INKA2: variants seen among roughly 807,000 people sequenced by gnomAD.
INKA2 encodes inka box actin regulator 2.
A neutral mutation model predicts 9.8 loss-of-function variants in INKA2; 3 were observed. The observed-to-expected ratio is 0.31, with a 90% confidence interval of 0.14 to 0.79. INKA2 has a LOEUF of 0.79. INKA2 is among the 30% of genes least tolerant of loss of function. The pLI is 0.62. For synonymous variants in INKA2, 147 were observed against 143.3 expected, an observed-to-expected ratio of 1.03 and a Z score of -0.18; for missense variants, 392 against 384.4, an observed-to-expected ratio of 1.02 and a Z score of -0.17.
chr1:111,755,156 G>T (rs114897405), intron 1 of INKA2: 2,439 of 159,356 alleles, frequency 0.015, 69 homozygotes, highest in African/African-American at 0.056. Context: ...GGAGGCGGAT[G>T]CGGAGGCGGA....
rs957298407 is a variant in INKA2, at chr1:111,729,451, G to A, written c.58-1647C>T. Among the ~76,000 whole-genome samples the A allele has an allele frequency of 8.5e-5, 13 of 152,178 alleles. No homozygotes were observed. In the East Asian group the frequency reaches 1.5e-3, roughly 18 times the overall value. Reference sequence around the variant, plus strand: ...TGTGGGTGTCTAAGGCCTGAGTCCCGGCTGCCAGCTGGAAGGTGCTGAGAG... The same window carrying A: ...TGTGGGTGTCTAAGGCCTGAGTCCCAGCTGCCAGCTGGAAGGTGCTGAGAG... On this transcript the variant is annotated intron_variant, in intron 1 of 1. Coordinates refer to ENST00000357260, the MANE Select transcript of INKA2 (RefSeq NM_019099.5).
At chr1:111,728,404 G>A (rs1005247068) in intron 1 of INKA2, among the ~76,000 whole-genome samples, 7 of 152,146 alleles carry the variant, frequency 4.6e-5, no homozygotes, top group African/African-American at 1.7e-4. Flanking sequence ...AAACGAGTAA[G>A]CTGGAAGGGG....
intron 1 of INKA2, among the ~76,000 whole-genome samples, chr1:111,752,021 T>C (rs1446857867): frequency 2.6e-5 from 4 of 152,172 alleles, no homozygotes; most frequent in Non-Finnish European, 4.4e-5. Flanking sequence ...GTGGCAGCTT[T>C]TGAGAACATT....
chr1:111,755,705 T>G, exon 1 of INKA2: 2 of 1,613,832 alleles, frequency 1.2e-6, no homozygotes, highest in Non-Finnish European at 1.7e-6. Context: ...ACTCACCAGT[T>G]GCCTCATCTT....
intron 1 of INKA2, among the ~76,000 whole-genome samples, chr1:111,731,554 G>A (rs1360648351): frequency 2.0e-5 from 3 of 152,060 alleles, no homozygotes; most frequent in Non-Finnish European, 2.9e-5. Flanking sequence ...GTTTCACCAT[G>A]TTGCCTAGGC....
chr1:111,728,397 C>T (rs1019217905), intron 1 of INKA2, among the ~76,000 whole-genome samples: 2 of 152,092 alleles, frequency 1.3e-5, no homozygotes, highest in African/African-American at 2.4e-5. Context: ...TTTTAACAAA[C>T]GAGTAAGCTG....
chr1:111,740,804 C>T (rs1663128436), upstream of INKA2, among the ~76,000 whole-genome samples: 1 of 151,834 alleles, frequency 6.6e-6, no homozygotes, highest in Admixed American at 6.6e-5. Flanking sequence ...GAAACCCCGT[C>T]TCCACTAAAA....
chr1:111,736,187 TA>T (rs1663004589), intron 1 of INKA2, among the ~76,000 whole-genome samples: 1 of 152,216 alleles, frequency 6.6e-6, no homozygotes, highest in African/African-American at 2.4e-5. Context: ...CCCCTCATTC[TA>T]ATGAAGAAGT....
chr1:111,735,152 CATT>C (rs1471365714), intron 1 of INKA2, among the ~76,000 whole-genome samples: 1 of 152,162 alleles, frequency 6.6e-6, no homozygotes, highest in African/African-American at 2.4e-5. Context: ...CAATTAATAT[CATT>C]ATTATATCTT....
chr1:111,755,686 C>T (rs932105112), intron 1 of INKA2: 1 of 1,613,596 alleles, frequency 6.2e-7, no homozygotes, highest in Admixed American at 1.7e-5. Flanking sequence ...CTGCAGGCCA[C>T]AGGCAGCGAC....
intron 1 of INKA2, among the ~76,000 whole-genome samples, chr1:111,728,372 G>A (rs567801314): frequency 2.3e-4 from 35 of 152,158 alleles, no homozygotes; most frequent in Non-Finnish European, 4.1e-4. Context: ...ACCGTATGAG[G>A]TTGCTATTTT....
At chr1:111,733,545 G>T (rs1662954808) in intron 1 of INKA2, among the ~76,000 whole-genome samples, 1 of 152,196 alleles carries the variant, frequency 6.6e-6, no homozygotes, top group African/African-American at 2.4e-5. Flanking sequence ...ATCCTTTTGA[G>T]GGACTCCGAG....
At chr1:111,738,917 C>G (rs896961798) in intron 1 of INKA2, among the ~76,000 whole-genome samples, 5 of 152,230 alleles carry the variant, frequency 3.3e-5, no homozygotes, top group African/African-American at 7.2e-5. Context: ...CTGGGGTTCT[C>G]TGTGTCACAT....
Position 111,723,445 on chromosome 1 carries a change from G to A in INKA2, c.*3523C>T. On this transcript the variant is annotated 3_prime_UTR_variant, in exon 2 of 2. Coordinates refer to ENST00000357260, the MANE Select transcript of INKA2 (RefSeq NM_019099.5). ...GCCGGCCCCACTAGCATGCCCAGCA[G>A]GGACTCTTTTCTGTTCCCTGGGCCA... The A allele has an allele frequency of 2.9e-6, 1 of 339,792 alleles. No homozygotes were observed. The highest frequency in any genetic ancestry group is 5.3e-6 in the Non-Finnish European group (1 of 187,334). 21.0% of individuals were successfully genotyped at this position (339,792 alleles called of 1,614,324 possible).
chr1:111,732,344 T>G (rs575587734), intron 1 of INKA2, among the ~76,000 whole-genome samples: 1 of 152,194 alleles, frequency 6.6e-6, no homozygotes, highest in Middle Eastern at 3.4e-3. Context: ...CCAGCTCAGA[T>G]AGACAAAATC....
At position 111,739,338 on chromosome 1, in the gene INKA2, G is replaced by T. The variant is rs1030672563; in HGVS notation, c.-96C>A. The T allele has an allele frequency of 2.7e-5, 43 of 1,572,038 alleles. No individual in the cohort carries two copies. The African/African-American group carries it at 5.1e-4, about 18-fold the overall frequency. On this transcript the variant is annotated 5_prime_UTR_variant, in exon 1 of 2. Transcript: ENST00000357260. ...CTCCGGGCCGGCTCCCCGCCCCTGC[G>T]CCCGTAGCGCTCGCAGCGCGGAGCT...
chr1:111,744,333 A>G (rs1354729947), upstream of INKA2: 1 of 152,180 alleles, frequency 6.6e-6, no homozygotes, highest in Non-Finnish European at 1.5e-5. Context: ...AAGGTCCATG[A>G]ACTTTGGGTG....
At chr1:111,746,646 G>A (rs2101392748) in intron 1 of INKA2, 1 of 152,366 alleles carries the variant, frequency 6.6e-6, no homozygotes, top group East Asian at 1.9e-4. Context: ...AAAGATTTGT[G>A]GGTATGAGCC....
upstream of INKA2, among the ~76,000 whole-genome samples, chr1:111,741,156 C>T (rs1663143253): frequency 1.3e-5 from 2 of 151,972 alleles, no homozygotes; most frequent in South Asian, 4.2e-4. Context: ...GAAGAGTTTG[C>T]AGAGTCCAGT....
Sources: gnomAD v4.1 joint callset for allele counts (sites outside exome capture counted in the v4.1 genomes callset) on GRCh38, gnomAD v4.1.1 for gene constraint, MANE v1.5 for transcripts, NCBI Gene and HGNC (gene_info 2026-07-23, HGNC 2026-07-21) for gene names.